GALNT13: variants seen among roughly 807,000 people sequenced by gnomAD.
GALNT13 encodes the protein polypeptide N-acetylgalactosaminyltransferase 13.
Under a neutral mutation model 64.2 loss-of-function variants are expected in GALNT13, and 28 were observed. That is an observed-to-expected ratio of 0.44 (90% CI 0.32 to 0.60). The LOEUF is 0.60. Ranked by LOEUF, GALNT13 falls within the 20% of genes least tolerant of loss-of-function variation. The pLI, the probability that GALNT13 is intolerant of heterozygous loss-of-function variation, is 0.05. For missense variants in GALNT13, 577 were observed against 669.8 expected (o/e 0.86, Z 1.53); for synonymous variants, 214 against 224.6 (o/e 0.95, Z 0.42).
chr2:153,701,889 A>G, the GALNT13 span, among the ~76,000 whole-genome samples: 1 of 152,208 alleles, frequency 6.6e-6, no homozygotes, highest in Admixed American at 6.5e-5. Flanking sequence ...GTAGGAATCT[A>G]AATTAGTTCA....
rs573006164 is a variant in GALNT13, at chr2:154,215,199, C to T, written c.312-26831C>T. On this transcript the variant is annotated intron_variant, in intron 4 of 12. Transcript: ENST00000392825. ...CTCCCTTGACTTTGGAAGTTATATG[C>T]GCCAATAATTTCCCCTTTTATGCCT... 2.7e-3 allele frequency among the ~76,000 whole-genome samples: 418 copies of T among 152,238 alleles called. 1 individual carries two copies. The highest frequency in any genetic ancestry group is 3.8e-3 in the Non-Finnish European group (260 of 68,004).
chr2:154,033,962 C>CA (rs958163352), intron 3 of GALNT13, among the ~76,000 whole-genome samples: 10 of 151,752 alleles, frequency 6.6e-5, no homozygotes, highest in South Asian at 2.1e-4. Context: ...AACAAACAAA[C>CA]AAAAAAAACC....
At chr2:154,369,140 C>T (rs1697539429) in intron 9 of GALNT13, among the ~76,000 whole-genome samples, 1 of 150,946 alleles carries the variant, frequency 6.6e-6, no homozygotes, top group African/African-American at 2.4e-5. Context: ...ATTAGGGAGA[C>T]ATATAAAAAA....
At chr2:153,833,351 T>A in the GALNT13 span, among the ~76,000 whole-genome samples, 1 of 152,032 alleles carries the variant, frequency 6.6e-6, no homozygotes, top group Non-Finnish European at 1.5e-5. Flanking sequence ...GAATAAAAAT[T>A]GTAATTTGAG....
At chr2:153,413,524 C>A in the GALNT13 span, among the ~76,000 whole-genome samples, 1 of 152,242 alleles carries the variant, frequency 6.6e-6, no homozygotes, top group South Asian at 2.1e-4. Flanking sequence ...TGACTAATTT[C>A]ATCCATTGAT....
At chr2:153,755,869 C>G in the GALNT13 span, among the ~76,000 whole-genome samples, 2 of 152,070 alleles carry the variant, frequency 1.3e-5, no homozygotes, top group Non-Finnish European at 2.9e-5. Context: ...CCCTCCTCAC[C>G]AGGCAAAAAG....
chr2:153,945,293 A>G (rs1180621664), intron 3 of GALNT13, among the ~76,000 whole-genome samples: 1 of 152,214 alleles, frequency 6.6e-6, no homozygotes, highest in East Asian at 1.9e-4. Context: ...AAGTAAAGCC[A>G]TAGAGATTTG....
the GALNT13 span, among the ~76,000 whole-genome samples, chr2:153,460,381 AT>A: frequency 4.6e-5 from 7 of 152,200 alleles, no homozygotes; most frequent in Non-Finnish European, 8.8e-5. Flanking sequence ...TAGAGACCTC[AT>A]TCACTCATTT....
chr2:153,690,172 A>G, the GALNT13 span, among the ~76,000 whole-genome samples: 1 of 152,142 alleles, frequency 6.6e-6, no homozygotes, highest in Non-Finnish European at 1.5e-5. Context: ...TTTGAAATAC[A>G]TCAAATTTTC....
Position 153,888,441 on chromosome 2 carries a change from AT to A in GALNT13, c.-176-12494del, listed in dbSNP as rs1470902427. Among the ~76,000 whole-genome samples, 9 of 152,090 alleles carry A rather than the reference AT, an allele frequency of 5.9e-5. No homozygotes were observed. In the East Asian group the frequency reaches 1.4e-3, roughly 23 times the overall value. On this transcript the variant is annotated intron_variant, in intron 1 of 12. Coordinates refer to ENST00000392825, the MANE Select transcript of GALNT13 (RefSeq NM_052917.4). ...TATTGTATTTATCTGTGTTTAAAAA[AT>A]GTTTCATATTGCAAGTAAATAAATT...
At chr2:153,360,054 C>T in the GALNT13 span, among the ~76,000 whole-genome samples, 2 of 152,214 alleles carry the variant, frequency 1.3e-5, no homozygotes, top group African/African-American at 2.4e-5. Flanking sequence ...CCAAAAGAAC[C>T]AAAACAGTGG....
At chr2:153,220,165 G>T in the GALNT13 span, among the ~76,000 whole-genome samples, 1 of 152,204 alleles carries the variant, frequency 6.6e-6, no homozygotes, top group East Asian at 1.9e-4. Context: ...CTATGTCACA[G>T]TAGGTGGCTA....
chr2:154,383,813 A>G (rs1199493623), intron 9 of GALNT13, among the ~76,000 whole-genome samples: 3 of 151,920 alleles, frequency 2.0e-5, no homozygotes, highest in Non-Finnish European at 4.4e-5. Flanking sequence ...ATATATCTGA[A>G]TAAGTCCAAA....
chr2:153,302,155 T>G, the GALNT13 span, among the ~76,000 whole-genome samples: 87 of 152,264 alleles, frequency 5.7e-4, no homozygotes, highest in African/African-American at 1.8e-3. Flanking sequence ...CTGTACTAAT[T>G]TATATTCCCA....
chr2:153,921,970 A>G (rs1365134616), intron 2 of GALNT13, among the ~76,000 whole-genome samples: 1 of 152,212 alleles, frequency 6.6e-6, no homozygotes, highest in East Asian at 1.9e-4. Flanking sequence ...AAATACATCT[A>G]TAATTTTAAA....
At chr2:154,375,961 C>T (rs957585742) in intron 9 of GALNT13, among the ~76,000 whole-genome samples, 1 of 152,148 alleles carries the variant, frequency 6.6e-6, no homozygotes, top group East Asian at 1.9e-4. Context: ...TTTTAAAATA[C>T]ATTTTGTTGG....
At chr2:154,094,740 CTTTG>C (rs1701993530) in intron 3 of GALNT13, among the ~76,000 whole-genome samples, 1 of 151,862 alleles carries the variant, frequency 6.6e-6, no homozygotes, top group African/African-American at 2.4e-5. Context: ...AACACATTCT[CTTTG>C]TTTAAATGTC....
chr2:154,308,447 A>G (rs1693859906), intron 9 of GALNT13, among the ~76,000 whole-genome samples: 1 of 152,142 alleles, frequency 6.6e-6, no homozygotes. Context: ...AAAATACAAT[A>G]TTTAATAACC....
At chr2:153,611,705 T>A in the GALNT13 span, among the ~76,000 whole-genome samples, 1 of 137,056 alleles carries the variant, frequency 7.3e-6, no homozygotes, top group African/African-American at 2.8e-5. Context: ...TTTTTTTTTT[T>A]TACTTTAAGT....
Sources: allele counts gnomAD v4.1 joint callset (sites outside exome capture counted in the v4.1 genomes callset), GRCh38; gene constraint gnomAD v4.1.1; transcripts MANE v1.5; gene names NCBI Gene and HGNC (gene_info 2026-07-23, HGNC 2026-07-21).